Variants in ANKRD16 observed in about 807,000 individuals in gnomAD.
ANKRD16 encodes the protein ankyrin repeat domain 16, also known as ankyrin repeat domain-containing protein 16.
In ANKRD16, 35 loss-of-function variants were observed where a neutral mutation model predicts 37.9. That is an observed-to-expected ratio of 0.92 (90% confidence interval 0.71 to 1.23). The LOEUF is 1.23. Ranked by LOEUF, ANKRD16 falls within the 50% of genes most tolerant of loss-of-function variation. The pLI, the probability that ANKRD16 is intolerant of heterozygous loss-of-function variation, is 0.00. For missense variants in ANKRD16, 480 were observed against 469.9 expected (o/e 1.02, Z -0.20); for synonymous variants, 206 against 197.2 (o/e 1.04, Z -0.37).
intron 2 of ANKRD16, among the ~76,000 whole-genome samples, chr10:5,887,421 G>A (rs1367227586): frequency 1.4e-5 from 2 of 146,622 alleles, no homozygotes. Flanking sequence ...TGCCCAGGCT[G>A]TAGTGTAATG....
intron 3 of ANKRD16, among the ~76,000 whole-genome samples, chr10:5,885,335 C>T (rs866064365): frequency 3.9e-5 from 6 of 152,062 alleles, no homozygotes; most frequent in African/African-American, 9.7e-5. Flanking sequence ...CGCCCGCCAC[C>T]ACGCCCGGCT....
At chr10:5,877,513 T>C (rs935028960) in intron 7 of ANKRD16, among the ~76,000 whole-genome samples, 28 of 152,376 alleles carry the variant, frequency 1.8e-4, no homozygotes, top group African/African-American at 6.3e-4. Context: ...ACTTGATAGC[T>C]TAACTAGCAG....
chr10:5,888,985 TCG>T, intron 1 of ANKRD16, 54 bp downstream of exon 1: 1 of 1,448,536 alleles, frequency 6.9e-7, no homozygotes, highest in Non-Finnish European at 9.1e-7. Context: ...CACAGGGAAC[TCG>T]CTACGACTCT....
Position 5,878,424 on chromosome 10 carries a change from C to CCTG in ANKRD16, c.929-138_929-137insCAG. On this transcript the variant is annotated intron_variant, in intron 6 of 7. Coordinates refer to ENST00000380094, the MANE Select transcript of ANKRD16 (RefSeq NM_019046.3). This position sits in a 1 kb window ranked among gnomAD's most constrained non-coding sequence, Gnocchi z 5.1. ...ATCCATCTTCACAACTTCACCTATA[C>CCTG]TAGATCAAAATATTTTTGTTTCTAA... 1 of 743,122 alleles carries CCTG rather than the reference C, an allele frequency of 1.3e-6. No individual in the cohort carries two copies. The highest frequency in any genetic ancestry group is 3.0e-5 in the East Asian group (1 of 33,132). 46.0% of individuals were successfully genotyped at this position (743,122 alleles called of 1,614,324 possible).
At chr10:5,887,111 A>G (rs539328439) in intron 2 of ANKRD16, among the ~76,000 whole-genome samples, 3 of 152,362 alleles carry the variant, frequency 2.0e-5, no homozygotes, top group Admixed American at 2.0e-4. Context: ...AAGGATTTAC[A>G]TACATCATGC....
chr10:5,872,714 A>G (rs148513083), intron 7 of ANKRD16, among the ~76,000 whole-genome samples: 9,231 of 150,612 alleles, frequency 0.061, 318 homozygotes, highest in Non-Finnish European at 0.087. Context: ...CCGCCACCAC[A>G]CCCGGCTAAT....
At chr10:5,883,582 A>G (rs549687585) in intron 4 of ANKRD16, among the ~76,000 whole-genome samples, 1 of 152,348 alleles carries the variant, frequency 6.6e-6, no homozygotes, top group South Asian at 2.1e-4. Context: ...GGCATGAGCC[A>G]TCACGCCCTG....
At position 5,871,589 on chromosome 10, in the gene ANKRD16, C is replaced by T. The variant is rs900932437; in HGVS notation, c.*33+6508G>A. On this transcript the variant is annotated intron_variant, in intron 7 of 7. Transcript: ENST00000380094. The surrounding 1 kb of genome is among the most constrained non-coding windows in gnomAD (Gnocchi z 4.5). ...ATACTGGCATTGAATGAGGCGCCCACGTGGGCTCTGCCCTGAACTTTTCTT... is the reference window on the plus strand; with the variant it reads ...ATACTGGCATTGAATGAGGCGCCCATGTGGGCTCTGCCCTGAACTTTTCTT... Among the ~76,000 whole-genome samples, 13 of 152,196 alleles carry T rather than the reference C, an allele frequency of 8.5e-5. No individual in the cohort carries two copies. The highest frequency in any genetic ancestry group is 6.5e-4 in the Admixed American group (10 of 15,288).
intron 4 of ANKRD16, 126 bp downstream of exon 4, chr10:5,883,843 C>T: frequency 1.4e-6 from 1 of 739,140 alleles, no homozygotes; most frequent in Non-Finnish European, 2.2e-6. Context: ...CACCAAGTTC[C>T]AGAGAGAGAG....
At chr10:5,886,786 G>A (rs1842430330) in intron 2 of ANKRD16, among the ~76,000 whole-genome samples, 1 of 151,716 alleles carries the variant, frequency 6.6e-6, no homozygotes, top group South Asian at 2.1e-4. Flanking sequence ...TTTACTAATT[G>A]TTTTCTTTTT....
Position 5,868,490 on chromosome 10 carries a change from C to T in ANKRD16, c.*34-5799G>A, listed in dbSNP as rs1476779088. On this transcript the variant is annotated intron_variant, in intron 7 of 7. Coordinates refer to ENST00000380094, the MANE Select transcript of ANKRD16 (RefSeq NM_019046.3). The surrounding 1 kb of genome is among the most constrained non-coding windows in gnomAD (Gnocchi z 4.9). ...GTCTAGCTAAAGGACTGTAAATGCACCAATCAGCACTCTATAAAAATGCAC... is the reference window on the plus strand; with the variant it reads ...GTCTAGCTAAAGGACTGTAAATGCATCAATCAGCACTCTATAAAAATGCAC... Among the ~76,000 whole-genome samples, 2 of 152,130 alleles carry T rather than the reference C, an allele frequency of 1.3e-5. No individual in the cohort carries two copies. Among genetic ancestry groups the T allele is most frequent in the Non-Finnish European group, 2.9e-5 (2 of 68,014 alleles).
intron 7 of ANKRD16, among the ~76,000 whole-genome samples, chr10:5,873,116 G>A (rs200760966): frequency 3.3e-4 from 49 of 147,808 alleles, no homozygotes; most frequent in Non-Finnish European, 5.6e-4. Context: ...TGCAACCTCC[G>A]CCTCCCGGGT....
intron 1 of ANKRD16, 85 bp downstream of exon 1, chr10:5,888,956 G>T: frequency 7.3e-7 from 1 of 1,374,462 alleles, no homozygotes; most frequent in Non-Finnish European, 9.5e-7. Flanking sequence ...CAGCTACGGT[G>T]TCCAAGGGGA....
At chr10:5,883,396 C>A (rs1218951588) in intron 4 of ANKRD16, among the ~76,000 whole-genome samples, 1 of 152,230 alleles carries the variant, frequency 6.6e-6, no homozygotes, top group African/African-American at 2.4e-5. Flanking sequence ...TCACTACAAC[C>A]TCCATCTCCT....
rs1842310723 is a variant in ANKRD16, at chr10:5,881,444, ATATATATATATATATATAT to A, written c.850-1087_850-1069del. Among the ~76,000 whole-genome samples the A allele has an allele frequency of 5.9e-3, 668 of 113,052 alleles. 21 individuals are homozygous for A. The highest frequency in any genetic ancestry group is 0.016 in the African/African-American group (481 of 29,502). 74.2% of individuals were successfully genotyped at this position (113,052 alleles called of 152,430 possible). On this transcript the variant is annotated intron_variant, in intron 5 of 7. Transcript: ENST00000380094. ...TATAAAATAAAAATATTATTTATAT[ATATATATATATATATATAT>A]ATATATATATATATATATTTGAGAT...
At position 5,866,807 on chromosome 10, in the gene ANKRD16, A is replaced by C. The variant is rs1378281658; in HGVS notation, c.*34-4116T>G. ...CAGAGAGAAAGAGAGGAAGAGACAG[A>C]GACAAAGGAGTCAAAGAGGGAGACA... On this transcript the variant is annotated intron_variant, in intron 7 of 7. Coordinates refer to ENST00000380094, the MANE Select transcript of ANKRD16 (RefSeq NM_019046.3). This position sits in a 1 kb window ranked among gnomAD's most constrained non-coding sequence, Gnocchi z 4.3. 1.3e-5 allele frequency among the ~76,000 whole-genome samples: 2 copies of C among 152,132 alleles called. No homozygotes were observed. Among genetic ancestry groups the C allele is most frequent in the Non-Finnish European group, 2.9e-5 (2 of 68,028 alleles).
intron 7 of ANKRD16, among the ~76,000 whole-genome samples, chr10:5,876,820 T>G (rs1454619859): frequency 6.6e-6 from 1 of 152,076 alleles, no homozygotes; most frequent in African/African-American, 2.4e-5. Flanking sequence ...TTAAAAAGCC[T>G]GATCTAGACT....
chr10:5,871,405 A>C lies in ANKRD16; in HGVS notation c.*33+6692T>G, dbSNP rs1016480401. On this transcript the variant is annotated intron_variant, in intron 7 of 7. Transcript: ENST00000380094. This position sits in a 1 kb window ranked among gnomAD's most constrained non-coding sequence, Gnocchi z 4.5. Reference sequence around the variant, plus strand: ...CCAACTCAAATAAATAAATAAATAAATAAATAAATAAATAAATAAATATCA... The same window carrying C: ...CCAACTCAAATAAATAAATAAATAACTAAATAAATAAATAAATAAATATCA... Among the ~76,000 whole-genome samples, 1 of 151,714 alleles carries C rather than the reference A, an allele frequency of 6.6e-6. No individual in the cohort carries two copies.
chr10:5,883,693 T>C (rs554511486), intron 4 of ANKRD16, among the ~76,000 whole-genome samples: 2 of 152,372 alleles, frequency 1.3e-5, no homozygotes, highest in South Asian at 2.1e-4. Context: ...GTTGTTATTA[T>C]TGCTATAAAA....
Sources: gnomAD v4.1 joint callset for allele counts (sites outside exome capture counted in the v4.1 genomes callset) on GRCh38, gnomAD v4.1.1 for gene constraint, Gnocchi (gnomAD v3.1) non-coding constraint, MANE v1.5 for transcripts, NCBI Gene and HGNC (gene_info 2026-07-23, HGNC 2026-07-21) for gene names.